The following SESTD1 variants were observed in gnomAD, a reference collection of about 807,000 sequenced individuals.
SESTD1 encodes SEC14 and spectrin domain containing 1, also known as SEC14 domain and spectrin repeat-containing protein 1.
A neutral mutation model predicts 101.7 loss-of-function variants in SESTD1; 43 were observed. That is an observed-to-expected ratio of 0.42 (90% CI 0.33 to 0.55). The LOEUF (loss-of-function observed/expected upper bound fraction) is 0.55. SESTD1 is among the 20% of genes least tolerant of loss of function. SESTD1 has a pLI of 0.07. For synonymous variants in SESTD1, 283 were observed against 286.8 expected (o/e 0.99, Z 0.13); for missense variants, 647 against 815.1 (o/e 0.79, Z 2.51).
At chr2:179,196,343 C>T (rs867686661) in intron 1 of SESTD1, among the ~76,000 whole-genome samples, 4 of 152,312 alleles carry the variant, frequency 2.6e-5, no homozygotes, top group Middle Eastern at 6.8e-3. Flanking sequence ...GCACAGCAGT[C>T]TGAGATCAAA....
At chr2:179,242,616 C>T (rs1360715110) in intron 1 of SESTD1, among the ~76,000 whole-genome samples, 2 of 152,078 alleles carry the variant, frequency 1.3e-5, no homozygotes, top group Admixed American at 6.6e-5. Flanking sequence ...CAAAAACAGA[C>T]ACATGGACAA....
intron 1 of SESTD1, among the ~76,000 whole-genome samples, chr2:179,204,062 A>G (rs2046559046): frequency 7.4e-6 from 1 of 134,630 alleles, no homozygotes; most frequent in African/African-American, 2.9e-5. Flanking sequence ...ATTGGTGTGA[A>G]GAAAAAACTC....
intron 5 of SESTD1, among the ~76,000 whole-genome samples, chr2:179,152,359 T>A (rs2045547632): frequency 1.3e-5 from 2 of 152,200 alleles, no homozygotes; most frequent in East Asian, 3.8e-4. Flanking sequence ...AGAGCGCATG[T>A]GCGAAATTTT....
At chr2:179,187,824 T>C (rs1212525189) in intron 2 of SESTD1, among the ~76,000 whole-genome samples, 1 of 151,960 alleles carries the variant, frequency 6.6e-6, no homozygotes, top group Non-Finnish European at 1.5e-5. Context: ...AATAATAAAA[T>C]AGGACAAAGA....
chr2:179,157,662 AACACTTACAG>A (rs2045657275), intron 5 of SESTD1, among the ~76,000 whole-genome samples: 1 of 152,192 alleles, frequency 6.6e-6, no homozygotes. Context: ...AATAAATCCA[AACACTTACAG>A]ACAGATGTCC....
intron 9 of SESTD1, among the ~76,000 whole-genome samples, chr2:179,135,516 G>A (rs2045121198): frequency 6.6e-6 from 1 of 152,124 alleles, no homozygotes; most frequent in Admixed American, 6.5e-5. Context: ...CACTTTGGGA[G>A]GCTGAGGTGG....
intron 1 of SESTD1, among the ~76,000 whole-genome samples, chr2:179,260,083 C>T (rs1237101974): frequency 2.0e-5 from 3 of 152,180 alleles, no homozygotes; most frequent in African/African-American, 7.2e-5. Context: ...ATTATAATAA[C>T]TGTAGTAACA....
At chr2:179,133,220 C>T (rs181375747) in intron 9 of SESTD1, among the ~76,000 whole-genome samples, 1 of 152,192 alleles carries the variant, frequency 6.6e-6, no homozygotes, top group Non-Finnish European at 1.5e-5. Context: ...ATGGGAGACA[C>T]TCTGGCATCA....
intron 6 of SESTD1, among the ~76,000 whole-genome samples, chr2:179,149,895 T>C (rs1371263963): frequency 6.6e-6 from 1 of 152,214 alleles, no homozygotes; most frequent in African/African-American, 2.4e-5. Flanking sequence ...GTTTAAGTAA[T>C]GAAGTAGACA....
At chr2:179,195,887 C>T (rs1231386557) in intron 1 of SESTD1, among the ~76,000 whole-genome samples, 2 of 151,026 alleles carry the variant, frequency 1.3e-5, no homozygotes, top group Non-Finnish European at 2.9e-5. Flanking sequence ...AAAAAAATCT[C>T]GTATGGTAAA....
chr2:179,187,209 G>A (rs1237705843), intron 2 of SESTD1, among the ~76,000 whole-genome samples: 1 of 152,104 alleles, frequency 6.6e-6, no homozygotes, highest in Non-Finnish European at 1.5e-5. Flanking sequence ...ACGCAATTGA[G>A]ACTACAAAGC....
intron 13 of SESTD1, among the ~76,000 whole-genome samples, chr2:179,121,235 A>G (rs1340520340): frequency 1.3e-5 from 2 of 152,184 alleles, no homozygotes; most frequent in Non-Finnish European, 2.9e-5. Context: ...TTTACTTTGC[A>G]ATACTTTGTA....
In SESTD1 at chr2:179,151,389, A is replaced by T; in HGVS notation, c.372T>A (p.Val124=). ...WKEKDRLGFE[V]ILVSANKLTR... The stretch of plus-strand genomic sequence containing the variant: ...TCAATTTGTTGGCGGACACTAAAAT[A>T]ACCTATAAAAAGGTTAAAAGAAAAG... The change falls in exon 6 of 18, where the codon GTT becomes GTA. Residue 124 remains valine, a splice_region_variant and synonymous_variant. Coordinates refer to ENST00000428443, the MANE Select transcript of SESTD1 (RefSeq NM_178123.5). The T allele has an allele frequency of 6.3e-7, 1 of 1,588,628 alleles. No homozygotes were observed. The highest frequency in any genetic ancestry group is 8.5e-7 in the Non-Finnish European group (1 of 1,171,086).
In SESTD1 at chr2:179,176,534, T is replaced by G. The variant is rs771692354; in HGVS notation, c.169A>C (p.Lys57Gln). 6.2e-7 allele frequency: 1 copy of G among 1,611,706 alleles called. No individual in the cohort carries two copies. The highest frequency in any genetic ancestry group is 8.5e-7 in the Non-Finnish European group (1 of 1,178,822). ...ACGGTAAATCCTCTAGCCTTACACT[T>G]CTCACTGAAACAAAATAAAATTACA... ...LDYLLSIPSEKCKARGFTVIV... is the reference protein window; with the variant it reads ...LDYLLSIPSEQCKARGFTVIV... The change falls in exon 4 of 18, where the codon AAG becomes CAG. Residue 57 changes from lysine (K) to glutamine (Q), a missense_variant. By Grantham distance (53) the Lys-to-Gln change is moderately conservative. Transcript: ENST00000428443.
intron 2 of SESTD1, among the ~76,000 whole-genome samples, chr2:179,185,128 G>A (rs1287600525): frequency 6.6e-6 from 1 of 151,796 alleles, no homozygotes; most frequent in Admixed American, 6.6e-5. Context: ...CAATCTTCTT[G>A]GAGGGCAATC....
At chr2:179,155,205 C>G (rs1318789555) in intron 5 of SESTD1, among the ~76,000 whole-genome samples, 1 of 152,012 alleles carries the variant, frequency 6.6e-6, no homozygotes, top group African/African-American at 2.4e-5. Flanking sequence ...TGTGAGCCAT[C>G]GCATCCGGCC....
rs2046712991 is a variant in SESTD1, at chr2:179,215,839, T to C, written c.-25-23973A>G. Reference sequence around the variant, plus strand: ...TGAGATGCAAGTCTGGTTCATCATATGCAAATCAATAAACGTAATCCATCA... The same window carrying C: ...TGAGATGCAAGTCTGGTTCATCATACGCAAATCAATAAACGTAATCCATCA... On this transcript the variant is annotated intron_variant, in intron 1 of 17. Coordinates refer to ENST00000428443, the MANE Select transcript of SESTD1 (RefSeq NM_178123.5). 1.5e-5 allele frequency among the ~76,000 whole-genome samples: 2 copies of C among 135,002 alleles called. 1 individual carries two copies. The highest frequency in any genetic ancestry group is 5.6e-4 in the South Asian group (2 of 3,566). The allele number at this position is 135,002 out of a possible 152,430, so 88.6% of individuals were successfully genotyped here. A position where few individuals can be genotyped will look rare whatever the true frequency, so the allele number is the denominator to read the frequency against.
intron 3 of SESTD1, 70 bp downstream of exon 3, chr2:179,183,010 C>T: frequency 1.9e-6 from 2 of 1,048,888 alleles, no homozygotes; most frequent in Non-Finnish European, 2.8e-6. Context: ...TATAATTCAA[C>T]AATAGAAAGA....
chr2:179,219,880 C>A (rs935929958), intron 1 of SESTD1, among the ~76,000 whole-genome samples: 1 of 152,090 alleles, frequency 6.6e-6, no homozygotes, highest in Admixed American at 6.6e-5. Context: ...ATGTATAGCT[C>A]CTCTAAATTA....
Sources: gnomAD v4.1 joint callset for allele counts (sites outside exome capture counted in the v4.1 genomes callset) on GRCh38, gnomAD v4.1.1 for gene constraint, MANE v1.5 for transcripts, NCBI Gene and HGNC (gene_info 2026-07-23, HGNC 2026-07-21) for gene names.